The following VPS13D variants were observed in gnomAD, a reference collection of about 807,000 sequenced individuals.
VPS13D encodes the protein intermembrane lipid transfer protein VPS13D.
A neutral mutation model predicts 461.9 loss-of-function variants in VPS13D; 187 were observed. The observed-to-expected ratio is 0.40, with a 90% CI of 0.36 to 0.46. The LOEUF is 0.46. VPS13D is among the 20% of genes least tolerant of loss of function. The pLI, the probability that VPS13D is intolerant of heterozygous loss-of-function variation, is 0.60. For synonymous variants in VPS13D, 1,951 were observed against 1,986.3 expected (o/e 0.98, Z 0.47); for missense variants, 4,711 against 5,364.9 (o/e 0.88, Z 3.81).
At chr1:12,486,842 C>CT (rs1645803821) in intron 67 of VPS13D, among the ~76,000 whole-genome samples, 1 of 152,142 alleles carries the variant, frequency 6.6e-6, no homozygotes. Flanking sequence ...TGGTCTGCCC[C>CT]TTTATCACAT....
At chr1:12,492,168 A>G (rs1329972682) in intron 67 of VPS13D, among the ~76,000 whole-genome samples, 2 of 152,254 alleles carry the variant, frequency 1.3e-5, no homozygotes, top group Non-Finnish European at 1.5e-5. Flanking sequence ...CAGGCCTAAC[A>G]GTGGTGGGCC....
At chr1:12,335,980 A>C in intron 39 of VPS13D, 153 bp downstream of exon 39, 2 of 1,166,946 alleles carry the variant, frequency 1.7e-6, no homozygotes, top group Non-Finnish European at 1.2e-6. Context: ...TCTTTGCAGG[A>C]GACAGTTTTC....
chr1:12,503,876 C>T (rs949528946), intron 68 of VPS13D, among the ~76,000 whole-genome samples: 6 of 152,140 alleles, frequency 3.9e-5, no homozygotes, highest in Non-Finnish European at 8.8e-5. Flanking sequence ...TGTGAGCACT[C>T]AAGGAACCTC....
intron 67 of VPS13D, among the ~76,000 whole-genome samples, chr1:12,485,598 GTTGC>G (rs1645787216): frequency 6.6e-6 from 1 of 152,172 alleles, no homozygotes; most frequent in Non-Finnish European, 1.5e-5. Context: ...TTTCATCAGT[GTTGC>G]TTATTATTTA....
At position 12,354,040 on chromosome 1, in the gene VPS13D, T is replaced by C; in HGVS notation, c.9498T>C (p.Ser3166=). Residue 3166 remains serine (S), a synonymous_variant, in exon 47 of 70, where the codon AGT becomes AGC. Coordinates refer to ENST00000620676, the MANE Select transcript of VPS13D (RefSeq NM_015378.4). ...DYMPSNIFSD[S]AKQIFRQPGH... is the part of the protein sequence containing the mutation. ...TGCCCTCAAACATATTTTCTGACAGTGCAAAACAGATTTTCAGACAGCCTG... is the reference window on the plus strand; with the variant it reads ...TGCCCTCAAACATATTTTCTGACAGCGCAAAACAGATTTTCAGACAGCCTG... 6.2e-7 allele frequency: 1 copy of C among 1,614,200 alleles called. No homozygotes were observed. Among genetic ancestry groups the C allele is most frequent in the Non-Finnish European group, 8.5e-7 (1 of 1,180,040 alleles).
rs186257411 is a variant in VPS13D at position 12,281,084 on chromosome 1, A to C, written c.4602+1434A>C. Among the ~76,000 whole-genome samples, 3 of 151,110 alleles carry C rather than the reference A, an allele frequency of 2.0e-5. No individual in the cohort carries two copies. The East Asian group carries it at 5.8e-4, about 29-fold the overall frequency. On this transcript the variant is annotated intron_variant, in intron 20 of 69. Transcript: ENST00000620676. ...ATCTATTTTTTTTTTTTTTGGTGAAATATTTTAAGGTAAATCCCAGATGTC... is the reference window on the plus strand; with the variant it reads ...ATCTATTTTTTTTTTTTTTGGTGAACTATTTTAAGGTAAATCCCAGATGTC...
At chr1:12,238,910 G>A (rs1363064463) in intron 2 of VPS13D, among the ~76,000 whole-genome samples, 1 of 151,858 alleles carries the variant, frequency 6.6e-6, no homozygotes, top group Non-Finnish European at 1.5e-5. Flanking sequence ...TGGGATTATG[G>A]GCATGAGCCA....
chr1:12,353,731 T>C (rs556463956), intron 46 of VPS13D, among the ~76,000 whole-genome samples: 3 of 152,262 alleles, frequency 2.0e-5, no homozygotes, highest in Non-Finnish European at 4.4e-5. Flanking sequence ...AAATAGCCTA[T>C]AATTTATTTT....
rs1407451394 is a variant in VPS13D, at chr1:12,285,901, T to C, written c.5634+2165T>C. Among the ~76,000 whole-genome samples the C allele has an allele frequency of 2.0e-5, 3 of 152,152 alleles. 1 individual carries two copies. Among genetic ancestry groups the C allele is most frequent in the Non-Finnish European group, 4.4e-5 (3 of 68,038 alleles). On this transcript the variant is annotated intron_variant, in intron 21 of 69. Transcript: ENST00000620676. ...TTTCTCATTTACAAAATAAGGAGAA[T>C]TAAATAAAATGATGCATGAATTTCT...
At chr1:12,451,864 T>A (rs1645266367) in intron 65 of VPS13D, among the ~76,000 whole-genome samples, 1 of 152,258 alleles carries the variant, frequency 6.6e-6, no homozygotes, top group South Asian at 2.1e-4. Flanking sequence ...AATACTATTT[T>A]TATTGAATGT....
At chr1:12,479,568 G>A (rs548140173) in intron 67 of VPS13D, among the ~76,000 whole-genome samples, 94 of 152,322 alleles carry the variant, frequency 6.2e-4, no homozygotes, top group South Asian at 2.3e-3. Flanking sequence ...GAAAGTTGAG[G>A]CACACAGGGG....
chr1:12,373,095 G>GTTTTTTTTTTTTTTTT lies in VPS13D; in HGVS notation c.10809-643_10809-628dup, dbSNP rs571503565. 3.2e-4 allele frequency among the ~76,000 whole-genome samples: 12 copies of GTTTTTTTTTTTTTTTT among 37,232 alleles called. 1 individual carries two copies. Among genetic ancestry groups the GTTTTTTTTTTTTTTTT allele is most frequent in the Non-Finnish European group, 4.7e-4 (9 of 19,002 alleles). The allele number at this position is 37,232 out of a possible 152,430, so 24.4% of individuals were successfully genotyped here. A position where few individuals can be genotyped will look rare whatever the true frequency, so the allele number is the denominator to read the frequency against. On this transcript the variant is annotated intron_variant, in intron 54 of 69. Coordinates refer to ENST00000620676, the MANE Select transcript of VPS13D (RefSeq NM_015378.4). The stretch of plus-strand genomic sequence containing the variant: ...TTGGTCCCTTGAATTGTCTGGCTTG[G>GTTTTTTTTTTTTTTTT]TTTTTTTTTTTTTTTTTTTTTTTTT...
intron 19 of VPS13D, among the ~76,000 whole-genome samples, chr1:12,278,326 A>C (rs1641677105): frequency 6.6e-6 from 1 of 152,080 alleles, no homozygotes; most frequent in Non-Finnish European, 1.5e-5. Context: ...GCTGGAGTGC[A>C]ATGATGCAGT....
chr1:12,307,155 C>G (rs1642589582), intron 26 of VPS13D, among the ~76,000 whole-genome samples: 1 of 152,144 alleles, frequency 6.6e-6, no homozygotes, highest in South Asian at 2.1e-4. Flanking sequence ...ATATTTTATT[C>G]CCTAGTATAT....
chr1:12,411,373 C>T (rs111968358), intron 63 of VPS13D, among the ~76,000 whole-genome samples: 13 of 152,098 alleles, frequency 8.5e-5, no homozygotes, highest in African/African-American at 3.1e-4. Context: ...TGGCTTACAC[C>T]TGTAATCCCA....
At chr1:12,239,996 C>G (rs1482340589) in intron 2 of VPS13D, among the ~76,000 whole-genome samples, 1 of 152,098 alleles carries the variant, frequency 6.6e-6, no homozygotes, top group African/African-American at 2.4e-5. Context: ...GGGACCTTTC[C>G]CTGCAGGGCC....
At chr1:12,482,376 T>C (rs1467746434) in intron 67 of VPS13D, among the ~76,000 whole-genome samples, 3 of 152,266 alleles carry the variant, frequency 2.0e-5, no homozygotes. Flanking sequence ...TATATGATGG[T>C]AGAAATTTGC....
At chr1:12,294,515 A>G (rs1449137119) in intron 24 of VPS13D, among the ~76,000 whole-genome samples, 1 of 152,210 alleles carries the variant, frequency 6.6e-6, no homozygotes, top group Non-Finnish European at 1.5e-5. Flanking sequence ...TCCTTCAAAA[A>G]TTTAAAATGT....
At chr1:12,484,748 C>T (rs1230936537) in intron 67 of VPS13D, among the ~76,000 whole-genome samples, 1 of 152,174 alleles carries the variant, frequency 6.6e-6, no homozygotes, top group Non-Finnish European at 1.5e-5. Context: ...CAGATAAAAG[C>T]TGGTTGAGGA....
Sources: allele counts gnomAD v4.1 joint callset (sites outside exome capture counted in the v4.1 genomes callset), GRCh38; gene constraint gnomAD v4.1.1; transcripts MANE v1.5; gene names NCBI Gene and HGNC (gene_info 2026-07-23, HGNC 2026-07-21).